The following PRKN variants were observed in gnomAD, a reference collection of about 807,000 sequenced individuals.
PRKN encodes the protein parkin RBR E3 ubiquitin protein ligase.
Under a neutral mutation model 59.5 loss-of-function variants are expected in PRKN, and 56 were observed. The ratio of observed to expected loss-of-function variants is 0.94; its 90% confidence interval spans 0.76 to 1.18. The LOEUF (loss-of-function observed/expected upper bound fraction) is 1.18, where lower values mean the gene tolerates loss of function less well. Ranked by LOEUF, PRKN falls within the 50% of genes most tolerant of loss-of-function variation. The probability of loss-of-function intolerance (pLI) is 0.00; values close to 1 mark genes in which losing one functional copy is unlikely to be tolerated. For missense variants in PRKN, 657 were observed against 596.4 expected (o/e 1.10, Z -1.06); for synonymous variants, 250 against 222.1 (o/e 1.13, Z -1.12).
chr6:162,677,896 C>T (rs1241569450), intron 1 of PRKN, among the ~76,000 whole-genome samples: 1 of 152,130 alleles, frequency 6.6e-6, no homozygotes, highest in Non-Finnish European at 1.5e-5. Context: ...AAAACCATTA[C>T]AACAATCGAG....
At chr6:161,494,600 G>A (rs1034955694) in intron 9 of PRKN, among the ~76,000 whole-genome samples, 2 of 152,146 alleles carry the variant, frequency 1.3e-5, no homozygotes, top group East Asian at 1.9e-4. Flanking sequence ...TTTCTTCATC[G>A]ACTGGTTCCT....
At chr6:162,479,963 G>A (rs899955793) in intron 1 of PRKN, among the ~76,000 whole-genome samples, 2 of 151,862 alleles carry the variant, frequency 1.3e-5, no homozygotes, top group Non-Finnish European at 2.9e-5. Flanking sequence ...TACTTGGGAG[G>A]CTGAGGCAGG....
chr6:162,470,385 C>A (rs562337129), intron 1 of PRKN, among the ~76,000 whole-genome samples: 5 of 152,268 alleles, frequency 3.3e-5, no homozygotes, highest in Admixed American at 6.5e-5. Context: ...GCAGGCAGAT[C>A]ACGAGGTCAG....
chr6:162,100,135 A>G (rs1214245376), intron 4 of PRKN, among the ~76,000 whole-genome samples: 1 of 152,206 alleles, frequency 6.6e-6, no homozygotes, highest in Non-Finnish European at 1.5e-5. Flanking sequence ...ATGGTATCTT[A>G]TTGTGTTTAT....
intron 8 of PRKN, among the ~76,000 whole-genome samples, chr6:161,564,338 C>A (rs1007645720): frequency 1.3e-5 from 2 of 152,206 alleles, no homozygotes; most frequent in Non-Finnish European, 2.9e-5. Flanking sequence ...TTCCATCTCT[C>A]CAGGCTGAGC....
At chr6:162,716,973 G>T (rs1334790898) in intron 1 of PRKN, among the ~76,000 whole-genome samples, 1 of 152,174 alleles carries the variant, frequency 6.6e-6, no homozygotes, top group East Asian at 1.9e-4. Context: ...ATGCCTCCTT[G>T]TCCCTGAAAC....
At chr6:162,444,430 T>C (rs1790211778) in intron 1 of PRKN, among the ~76,000 whole-genome samples, 1 of 151,926 alleles carries the variant, frequency 6.6e-6, no homozygotes, top group Non-Finnish European at 1.5e-5. Flanking sequence ...AGCACAAACC[T>C]ACATTCCAGC....
rs190331683 is a variant in PRKN at position 162,014,804 on chromosome 6, T to G, written c.618+39287A>C. Among the ~76,000 whole-genome samples, 553 of 137,334 alleles carry G rather than the reference T, an allele frequency of 4.0e-3. 1 individual carries two copies. The highest frequency in any genetic ancestry group is 0.015 in the African/African-American group (530 of 35,012). The allele number at this position is 137,334 out of a possible 152,430, so 90.1% of individuals were successfully genotyped here. On this transcript the variant is annotated intron_variant, in intron 5 of 11. Transcript: ENST00000366898. ...AAGATAACACAATACAGATCACCTT[T>G]CGTATTTTTTTTTTCACTCAGCAAG...
At chr6:162,338,995 G>C (rs1468117902) in intron 2 of PRKN, among the ~76,000 whole-genome samples, 4 of 151,220 alleles carry the variant, frequency 2.6e-5, no homozygotes, top group Non-Finnish European at 5.9e-5. Context: ...TGTCTGAGAA[G>C]TGAGGAGACC....
intron 4 of PRKN, among the ~76,000 whole-genome samples, chr6:162,137,729 C>T (rs950621687): frequency 6.6e-6 from 1 of 152,096 alleles, no homozygotes; most frequent in African/African-American, 2.4e-5. Flanking sequence ...ATAATGGGTC[C>T]ACTCCTGAGA....
chr6:162,396,940 A>G (rs925857249), intron 2 of PRKN, among the ~76,000 whole-genome samples: 6 of 152,120 alleles, frequency 3.9e-5, no homozygotes, highest in African/African-American at 1.2e-4. Flanking sequence ...CACACACACA[A>G]TATACACACA....
At chr6:162,417,046 G>T (rs948405560) in intron 2 of PRKN, among the ~76,000 whole-genome samples, 2 of 152,154 alleles carry the variant, frequency 1.3e-5, no homozygotes, top group Admixed American at 1.3e-4. Flanking sequence ...AGAGAGACAT[G>T]TGCATAATTT....
At chr6:161,883,561 G>C (rs1795022828) in intron 6 of PRKN, among the ~76,000 whole-genome samples, 1 of 152,048 alleles carries the variant, frequency 6.6e-6, no homozygotes. Context: ...CTGCAGACTG[G>C]TTACCTATAT....
chr6:162,049,915 C>G (rs1777563438), intron 5 of PRKN, among the ~76,000 whole-genome samples: 1 of 152,188 alleles, frequency 6.6e-6, no homozygotes, highest in Non-Finnish European at 1.5e-5. Context: ...CTCAACTCCA[C>G]AGAGAGCTGT....
intron 1 of PRKN, among the ~76,000 whole-genome samples, chr6:162,625,983 C>T (rs531675801): frequency 3.5e-4 from 53 of 152,158 alleles, no homozygotes; most frequent in Non-Finnish European, 6.0e-4. Flanking sequence ...TTGACTTACG[C>T]TAACTCGACA....
intron 9 of PRKN, among the ~76,000 whole-genome samples, chr6:161,453,323 A>C (rs1332046422): frequency 1.3e-5 from 2 of 152,136 alleles, no homozygotes; most frequent in Non-Finnish European, 1.5e-5. Context: ...GTGTGTGTGC[A>C]TGTGTTATTA....
Position 161,376,468 on chromosome 6 carries a change from TC to T in PRKN, c.1167+10325del, listed in dbSNP as rs921957574. ...TGCATCAACATTAACCCGTCTCCTC[TC>T]ATCCTGTCTTCTAATCCACTGCCAA... On this transcript the variant is annotated intron_variant, in intron 10 of 11. Transcript: ENST00000366898. This position sits in a 1 kb window ranked among gnomAD's most constrained non-coding sequence, Gnocchi z 7.3. 6.6e-6 allele frequency among the ~76,000 whole-genome samples: 1 copy of T among 152,208 alleles called. No individual in the cohort carries two copies. Among genetic ancestry groups the T allele is most frequent in the Non-Finnish European group, 1.5e-5 (1 of 68,032 alleles).
At chr6:161,907,218 C>G (rs554435303) in intron 6 of PRKN, among the ~76,000 whole-genome samples, 9 of 152,204 alleles carry the variant, frequency 5.9e-5, no homozygotes, top group African/African-American at 2.2e-4. Context: ...TTTTGGAGAA[C>G]ATTATTTCAT....
Position 161,977,828 on chromosome 6 carries a change from T to C in PRKN, c.619-4411A>G, listed in dbSNP as rs575895294. 9.2e-5 allele frequency among the ~76,000 whole-genome samples: 14 copies of C among 151,602 alleles called. No homozygotes were observed. The East Asian group carries it at 2.2e-3, about 23-fold the overall frequency. Reference sequence around the variant, plus strand: ...TCCCAAAGTGTTGGGATTGTACAGGTGTGAGCCACCACGCCCGGCCCTATC... The same window carrying C: ...TCCCAAAGTGTTGGGATTGTACAGGCGTGAGCCACCACGCCCGGCCCTATC... On this transcript the variant is annotated intron_variant, in intron 5 of 11. Transcript: ENST00000366898.
Sources: allele counts gnomAD v4.1 joint callset (sites outside exome capture counted in the v4.1 genomes callset), GRCh38; gene constraint gnomAD v4.1.1; non-coding constraint Gnocchi (gnomAD v3.1); transcripts MANE v1.5; gene names NCBI Gene and HGNC (gene_info 2026-07-23, HGNC 2026-07-21).